GAS2L3: variants seen among roughly 807,000 people sequenced by gnomAD.
GAS2L3 encodes the protein GAS2-like protein 3.
Under a neutral mutation model 37.0 loss-of-function variants are expected in GAS2L3, and 28 were observed. The ratio of observed to expected loss-of-function variants is 0.76; its 90% CI spans 0.56 to 1.04. The LOEUF is 1.04. GAS2L3 is among the 50% of genes least tolerant of loss of function. The pLI is 0.00. For missense variants in GAS2L3, 793 were observed against 817.6 expected, an observed-to-expected ratio of 0.97 and a Z score of 0.37; for synonymous variants, 290 against 296.6, an observed-to-expected ratio of 0.98 and a Z score of 0.23.
chr12:100,596,572 C>A (rs1423959682), intron 3 of GAS2L3, among the ~76,000 whole-genome samples: 2 of 152,016 alleles, frequency 1.3e-5, no homozygotes, highest in Non-Finnish European at 2.9e-5. Context: ...TCTTTCTCTG[C>A]CAATTATATT....
At chr12:100,605,092 A>T (rs1956040231) in intron 5 of GAS2L3, among the ~76,000 whole-genome samples, 1 of 152,048 alleles carries the variant, frequency 6.6e-6, no homozygotes, top group South Asian at 2.1e-4. Flanking sequence ...TTTTGGTATA[A>T]TACTGGCCTC....
At chr12:100,607,195 T>C (rs1416712943) in intron 5 of GAS2L3, among the ~76,000 whole-genome samples, 2 of 152,172 alleles carry the variant, frequency 1.3e-5, no homozygotes, top group African/African-American at 4.8e-5. Flanking sequence ...TTTCACTGGG[T>C]ATGCTATTCT....
intron 1 of GAS2L3, among the ~76,000 whole-genome samples, chr12:100,585,062 T>A (rs1955763415): frequency 6.9e-6 from 1 of 145,874 alleles, no homozygotes. Flanking sequence ...CTATTTTTTT[T>A]TTTTTTTTTG....
intron 1 of GAS2L3, among the ~76,000 whole-genome samples, chr12:100,581,785 AT>A (rs1381619807): frequency 1.3e-5 from 2 of 152,132 alleles, no homozygotes; most frequent in African/African-American, 4.8e-5. Context: ...CTATAACATT[AT>A]TTTACTTAAC....
chr12:100,574,201 G>C (rs923453958), intron 1 of GAS2L3, among the ~76,000 whole-genome samples: 3 of 152,168 alleles, frequency 2.0e-5, no homozygotes, highest in Non-Finnish European at 4.4e-5. Context: ...ATCCCTAAGC[G>C]CCTGGCACTT....
intron 6 of GAS2L3, among the ~76,000 whole-genome samples, chr12:100,616,992 T>C (rs905140095): frequency 6.6e-6 from 1 of 152,058 alleles, no homozygotes; most frequent in Admixed American, 6.6e-5. Flanking sequence ...GAAACTTTCT[T>C]TTTTCTTCCT....
chr12:100,624,595 T>A lies in GAS2L3; in HGVS notation c.1790T>A (p.Phe597Tyr). ...AAGCAGCCTCAGAATAAAAGTGCAT[T>A]TCAGAAGACAGGACCCAGCTCCTTG... ...TKKQPQNKSA[F>Y]QKTGPSSLKS... The change falls in exon 10 of 10, where the codon TTT becomes TAT. Residue 597 changes from phenylalanine (F) to tyrosine (Y), a missense_variant. Physicochemically the swap from Phe to Tyr is conservative, Grantham distance 22. Coordinates refer to ENST00000547754, the MANE Select transcript of GAS2L3 (RefSeq NM_174942.3). 1 of 1,614,044 alleles carries A rather than the reference T, an allele frequency of 6.2e-7. No homozygotes were observed.
chr12:100,610,771 CA>C (rs1000024468), intron 5 of GAS2L3, among the ~76,000 whole-genome samples: 2 of 151,864 alleles, frequency 1.3e-5, no homozygotes, highest in Non-Finnish European at 2.9e-5. Context: ...CAAACCAAAA[CA>C]AAAAAATCTC....
chr12:100,624,744 A>G lies in GAS2L3; in HGVS notation c.1939A>G (p.Arg647Gly), dbSNP rs756668192. The change falls in exon 10 of 10, where the codon AGA (arginine) becomes GGA (glycine). Residue 647 changes from arginine to glycine, a missense_variant. Arg to Gly is a moderately radical substitution (Grantham distance 125). Transcript: ENST00000547754. Reference protein sequence around the residue: ...KSQHSTKGPPRSGKTPASIRK... With the variant: ...KSQHSTKGPPGSGKTPASIRK... Reference sequence around the variant, plus strand: ...CCAGCATTCAACTAAAGGGCCTCCCAGAAGTGGCAAAACCCCAGCTTCAAT... The same window carrying G: ...CCAGCATTCAACTAAAGGGCCTCCCGGAAGTGGCAAAACCCCAGCTTCAAT... The G allele has an allele frequency of 3.7e-6, 6 of 1,614,066 alleles. No individual in the cohort carries two copies. Among genetic ancestry groups the G allele is most frequent in the Admixed American group, 3.3e-5 (2 of 60,010 alleles).
At chr12:100,592,837 A>G (rs546737891) in intron 2 of GAS2L3, among the ~76,000 whole-genome samples, 27 of 152,234 alleles carry the variant, frequency 1.8e-4, no homozygotes, top group Non-Finnish European at 3.8e-4. Context: ...TCAAGTTGGC[A>G]AAGAATTGAA....
intron 1 of GAS2L3, among the ~76,000 whole-genome samples, chr12:100,581,639 C>A (rs1378945696): frequency 6.6e-6 from 1 of 152,194 alleles, no homozygotes; most frequent in South Asian, 2.1e-4. Context: ...TTTTTAATAT[C>A]TAGAAGTTAG....
intron 3 of GAS2L3, among the ~76,000 whole-genome samples, chr12:100,600,047 C>T (rs908585004): frequency 6.6e-6 from 1 of 152,106 alleles, no homozygotes. Flanking sequence ...CATAGGGTGA[C>T]CACATCTCTG....
In GAS2L3 at chr12:100,579,579, T is replaced by A. The variant is rs139791720; in HGVS notation, c.-152+5794T>A. 116 of 773,420 alleles carry A rather than the reference T, an allele frequency of 1.5e-4. 1 individual carries two copies. In the African/African-American group the frequency reaches 1.8e-3, roughly 12 times the overall value. The allele number at this position is 773,420 out of a possible 1,614,324, so 47.9% of individuals were successfully genotyped here. A position where few individuals can be genotyped will look rare whatever the true frequency, so the allele number is the denominator to read the frequency against. Reference sequence around the variant, plus strand: ...GCAAGAAGTTCCGGAAAGATACCAGTTGCATGACAGGGTGCATCTTTTGGG... The same window carrying A: ...GCAAGAAGTTCCGGAAAGATACCAGATGCATGACAGGGTGCATCTTTTGGG... On this transcript the variant is annotated intron_variant, in intron 1 of 9. Coordinates refer to ENST00000547754, the MANE Select transcript of GAS2L3 (RefSeq NM_174942.3).
At chr12:100,601,546 G>A in intron 4 of GAS2L3, 92 bp from the exon 5 acceptor site, 1 of 686,846 alleles carries the variant, frequency 1.5e-6, no homozygotes, top group Non-Finnish European at 2.6e-6. Context: ...TATTTTTCTA[G>A]TGTTTTGCTG....
intron 1 of GAS2L3, chr12:100,579,899 C>T: frequency 1.3e-6 from 1 of 757,570 alleles, no homozygotes; most frequent in Non-Finnish European, 2.4e-6. Flanking sequence ...CTTTCCACAC[C>T]TGAAGGAATG....
intron 3 of GAS2L3, among the ~76,000 whole-genome samples, chr12:100,595,812 T>G (rs910485784): frequency 2.0e-5 from 3 of 152,014 alleles, no homozygotes; most frequent in Non-Finnish European, 4.4e-5. Flanking sequence ...CATGTGCAAA[T>G]GGACTGCTAG....
intron 5 of GAS2L3, among the ~76,000 whole-genome samples, chr12:100,608,836 C>T (rs1212121977): frequency 6.6e-6 from 1 of 152,126 alleles, no homozygotes; most frequent in African/African-American, 2.4e-5. Context: ...TAGAAATTTA[C>T]CTGATGTTCT....
At chr12:100,583,909 AAAT>A (rs1325240103) in intron 1 of GAS2L3, among the ~76,000 whole-genome samples, 1 of 152,190 alleles carries the variant, frequency 6.6e-6, no homozygotes, top group Admixed American at 6.5e-5. Context: ...CAGGTCACGT[AAAT>A]AATAATAAGA....
chr12:100,577,875 G>A (rs1411151619), intron 1 of GAS2L3, among the ~76,000 whole-genome samples: 1 of 152,212 alleles, frequency 6.6e-6, no homozygotes, highest in Non-Finnish European at 1.5e-5. Context: ...AGAGGTGAAA[G>A]CATGGCGCTT....
Sources: allele counts gnomAD v4.1 joint callset (sites outside exome capture counted in the v4.1 genomes callset), GRCh38; gene constraint gnomAD v4.1.1; transcripts MANE v1.5; gene names NCBI Gene and HGNC (gene_info 2026-07-23, HGNC 2026-07-21).